CACNB2: variants seen among roughly 807,000 people sequenced by gnomAD.
The protein encoded by CACNB2 is voltage-dependent L-type calcium channel subunit beta-2.
In CACNB2, 42 loss-of-function variants were observed where a neutral mutation model predicts 73.3. That is an observed-to-expected ratio of 0.57 (90% CI 0.45 to 0.74). The LOEUF is 0.74. Ranked by LOEUF, CACNB2 falls within the 30% of genes least tolerant of loss-of-function variation. CACNB2 has a pLI of 0.00. For synonymous variants in CACNB2, 348 were observed against 310.3 expected, an observed-to-expected ratio of 1.12 and a Z score of -1.28; for missense variants, 940 against 853.0, an observed-to-expected ratio of 1.10 and a Z score of -1.27.
intron 5 of CACNB2, among the ~76,000 whole-genome samples, 172 bp downstream of exon 5, chr10:18,501,120 C>T (rs1455919654): frequency 6.6e-6 from 1 of 152,176 alleles, no homozygotes; most frequent in African/African-American, 2.4e-5. Context: ...AACTTCAGTC[C>T]AGCACCTGAT....
At chr10:18,468,191 G>A (rs912208236) in intron 3 of CACNB2, among the ~76,000 whole-genome samples, 13 of 152,124 alleles carry the variant, frequency 8.5e-5, no homozygotes, top group African/African-American at 2.9e-4. Flanking sequence ...CAGGTGTGGT[G>A]GCTCACGCCT....
intron 3 of CACNB2, among the ~76,000 whole-genome samples, chr10:18,456,122 C>A (rs776171636): frequency 7.9e-5 from 12 of 152,130 alleles, no homozygotes; most frequent in Non-Finnish European, 1.2e-4. Context: ...TCTTTACTTT[C>A]TTGACAGATG....
chr10:18,425,596 A>AG (rs1392440246), intron 3 of CACNB2, among the ~76,000 whole-genome samples: 4 of 152,166 alleles, frequency 2.6e-5, no homozygotes, highest in African/African-American at 9.7e-5. Flanking sequence ...TGAGCCCAGG[A>AG]GGTCAAGGCT....
At chr10:18,169,282 A>G (rs1245469924) in intron 2 of CACNB2, among the ~76,000 whole-genome samples, 1 of 152,218 alleles carries the variant, frequency 6.6e-6, no homozygotes, top group Non-Finnish European at 1.5e-5. Flanking sequence ...CTTGTGTACA[A>G]TGAGTAATTC....
chr10:18,384,709 G>T (rs2043151739), intron 2 of CACNB2, among the ~76,000 whole-genome samples: 1 of 150,708 alleles, frequency 6.6e-6, no homozygotes, highest in South Asian at 2.1e-4. Context: ...CAGCCTGGGT[G>T]ACAGAGTGAG....
chr10:18,443,283 A>G (rs768860515), intron 3 of CACNB2, among the ~76,000 whole-genome samples: 94 of 152,004 alleles, frequency 6.2e-4, no homozygotes, highest in Non-Finnish European at 9.1e-4. Context: ...CTAGTGTCCT[A>G]ACTGAAGGAA....
intron 2 of CACNB2, among the ~76,000 whole-genome samples, chr10:18,369,562 A>G (rs2042491606): frequency 6.6e-6 from 1 of 152,178 alleles, no homozygotes; most frequent in Non-Finnish European, 1.5e-5. Context: ...AAGAAGATAT[A>G]TTTCCTTATT....
At chr10:18,148,226 T>C (rs2031186373) in intron 1 of CACNB2, among the ~76,000 whole-genome samples, 1 of 152,198 alleles carries the variant, frequency 6.6e-6, no homozygotes, top group African/African-American at 2.4e-5. Flanking sequence ...TCTAACACTC[T>C]TAAGGCATGA....
At chr10:18,462,577 T>C (rs1357892404) in intron 3 of CACNB2, among the ~76,000 whole-genome samples, 1 of 152,166 alleles carries the variant, frequency 6.6e-6, no homozygotes, top group East Asian at 1.9e-4. Flanking sequence ...ATTAAGCAAA[T>C]GTAAACAGTG....
intron 6 of CACNB2, among the ~76,000 whole-genome samples, chr10:18,508,457 A>G (rs369214920): frequency 8.5e-4 from 130 of 152,286 alleles, no homozygotes; most frequent in African/African-American, 2.9e-3. Flanking sequence ...ACACTCTTAT[A>G]TATCTCAAAG....
intron 2 of CACNB2, among the ~76,000 whole-genome samples, chr10:18,227,372 T>C (rs2036033521): frequency 6.6e-6 from 1 of 151,810 alleles, no homozygotes; most frequent in Non-Finnish European, 1.5e-5. Context: ...TCTGGAGGCT[T>C]CCATGTCAGA....
At chr10:18,261,714 A>T (rs1043160043) in intron 2 of CACNB2, among the ~76,000 whole-genome samples, 82 of 152,148 alleles carry the variant, frequency 5.4e-4, no homozygotes, top group African/African-American at 1.9e-3. Context: ...CAAATTATAG[A>T]TAGGCGCAGA....
At chr10:18,493,510 G>T (rs917823491) in intron 3 of CACNB2, among the ~76,000 whole-genome samples, 1 of 152,094 alleles carries the variant, frequency 6.6e-6, no homozygotes, top group African/African-American at 2.4e-5. Context: ...TATAGATTTT[G>T]AGGGTCCTGG....
chr10:18,351,749 A>G (rs1460577478), intron 2 of CACNB2, among the ~76,000 whole-genome samples: 1 of 152,244 alleles, frequency 6.6e-6, no homozygotes, highest in Non-Finnish European at 1.5e-5. Context: ...CAGAATTAGG[A>G]AAGTTTTTCA....
At chr10:18,539,113 A>G in intron 13 of CACNB2, 117 bp from the exon 14 acceptor site, 1 of 1,270,490 alleles carries the variant, frequency 7.9e-7, no homozygotes, top group South Asian at 1.2e-5. Flanking sequence ...GCTAGGTTAG[A>G]CTTCATTTCA....
intron 2 of CACNB2, among the ~76,000 whole-genome samples, chr10:18,393,231 C>T (rs903739747): frequency 1.3e-5 from 2 of 151,398 alleles, no homozygotes; most frequent in Non-Finnish European, 2.9e-5. Flanking sequence ...CTGTCATCAT[C>T]AGTAGATATA....
intron 2 of CACNB2, among the ~76,000 whole-genome samples, chr10:18,239,462 A>T (rs2036568123): frequency 6.6e-6 from 1 of 152,160 alleles, no homozygotes; most frequent in African/African-American, 2.4e-5. Context: ...TCACTGCAAG[A>T]GACATGATTT....
At chr10:18,436,290 C>T (rs1055877931) in intron 3 of CACNB2, among the ~76,000 whole-genome samples, 4 of 152,284 alleles carry the variant, frequency 2.6e-5, no homozygotes, top group African/African-American at 4.8e-5. Flanking sequence ...TGAACAAAAT[C>T]CTAGAAGCCA....
chr10:18,518,486 C>T, intron 8 of CACNB2, 70 bp downstream of exon 8: 1 of 1,041,022 alleles, frequency 9.6e-7, no homozygotes, highest in Non-Finnish European at 1.5e-6. Flanking sequence ...CCTCCTACTC[C>T]CGACCCTCTC....
Sources: gnomAD v4.1 joint callset for allele counts (sites outside exome capture counted in the v4.1 genomes callset) on GRCh38, gnomAD v4.1.1 for gene constraint, MANE v1.5 for transcripts, NCBI Gene and HGNC (gene_info 2026-07-23, HGNC 2026-07-21) for gene names.